DNAJC17: variants seen among roughly 807,000 people sequenced by gnomAD.
The protein encoded by DNAJC17 is DnaJ heat shock protein family (Hsp40) member C17, also known as dnaJ homolog subfamily C member 17.
In DNAJC17, 35 loss-of-function variants were observed where a neutral mutation model predicts 48.1. The ratio of observed to expected loss-of-function variants is 0.73; its 90% CI spans 0.56 to 0.96. The LOEUF is 0.96. DNAJC17 is among the 50% of genes least tolerant of loss of function. The probability of loss-of-function intolerance (pLI) is 0.00; values close to 1 mark genes in which losing one functional copy is unlikely to be tolerated. For synonymous variants in DNAJC17, 117 were observed against 142.7 expected (o/e 0.82, Z 1.28); for missense variants, 355 against 377.1 (o/e 0.94, Z 0.48).
chr15:40,787,041 T>C (rs928865922), intron 1 of DNAJC17, among the ~76,000 whole-genome samples: 2 of 152,200 alleles, frequency 1.3e-5, no homozygotes, highest in Admixed American at 6.5e-5. Context: ...TTCTACTCTT[T>C]TAATAGTTTT....
Position 40,779,329 on chromosome 15 carries a change from A to G in DNAJC17, c.208-19T>C. ...ATGCAGCCTGGCAGGAGAAAGGGGC[A>G]CAGGGCAGAGGGTCAGTGAGAGAGT... On this transcript the variant is annotated intron_variant, in intron 3 of 10. Coordinates refer to ENST00000220496, the MANE Select transcript of DNAJC17 (RefSeq NM_018163.3). 6.2e-7 allele frequency: 1 copy of G among 1,613,466 alleles called. No homozygotes were observed. The highest frequency in any genetic ancestry group is 8.5e-7 in the Non-Finnish European group (1 of 1,179,608).
In DNAJC17 at chr15:40,766,469, T is replaced by C. The variant is rs1332656083; in HGVS notation, c.*1471A>G. The C allele has an allele frequency of 1.3e-5, 2 of 152,352 alleles. No homozygotes were observed. The highest frequency in any genetic ancestry group is 2.9e-5 in the Non-Finnish European group (2 of 68,082). The allele number at this position is 152,352 out of a possible 1,614,324, so 9.4% of individuals were successfully genotyped here. Reference sequence around the variant, plus strand: ...CAGGGAGAACCCAAGCTACACAGGCTCTCTGAAAAGAGTTGTCAGAGTGAG... The same window carrying C: ...CAGGGAGAACCCAAGCTACACAGGCCCTCTGAAAAGAGTTGTCAGAGTGAG... On this transcript the variant is annotated 3_prime_UTR_variant, in exon 11 of 11. Transcript: ENST00000220496.
chr15:40,807,332 A>C (rs768378360), intron 1 of DNAJC17, 37 bp downstream of exon 1: 6 of 1,613,998 alleles, frequency 3.7e-6, no homozygotes, highest in Non-Finnish European at 5.1e-6. Context: ...GGACCGCCAG[A>C]CCTCTCAAGA....
chr15:40,799,224 C>CAAAAAAAAA, intron 1 of DNAJC17, among the ~76,000 whole-genome samples: 1 of 44,368 alleles, frequency 2.3e-5, no homozygotes, highest in Non-Finnish European at 4.6e-5. Context: ...GACTCCATCT[C>CAAAAAAAAA]AAAAAAAAAA....
chr15:40,766,857 C>T lies in DNAJC17; in HGVS notation c.*1083G>A. 1 of 164,306 alleles carries T rather than the reference C, an allele frequency of 6.1e-6. No homozygotes were observed. The highest frequency in any genetic ancestry group is 1.3e-5 in the Non-Finnish European group (1 of 76,272). 10.2% of individuals were successfully genotyped at this position (164,306 alleles called of 1,614,324 possible). ...GTGCAATCATGGCTCACTGCAGCCTCAGCCTCCTCCTACCTGGAAGCCTGG... is the reference window on the plus strand; with the variant it reads ...GTGCAATCATGGCTCACTGCAGCCTTAGCCTCCTCCTACCTGGAAGCCTGG... On this transcript the variant is annotated 3_prime_UTR_variant, in exon 11 of 11. Coordinates refer to ENST00000220496, the MANE Select transcript of DNAJC17 (RefSeq NM_018163.3).
At chr15:40,799,164 G>T in intron 1 of DNAJC17, among the ~76,000 whole-genome samples, 1 of 148,868 alleles carries the variant, frequency 6.7e-6, no homozygotes. Flanking sequence ...GGCAGAGCTT[G>T]CAGTGAGCCG....
intron 1 of DNAJC17, among the ~76,000 whole-genome samples, chr15:40,790,193 C>T (rs1319489829): frequency 2.0e-5 from 3 of 152,176 alleles, no homozygotes; most frequent in Non-Finnish European, 2.9e-5. Flanking sequence ...GGCTGCGAGA[C>T]TCTCTGGGGC....
chr15:40,774,874 G>C (rs542471345), intron 8 of DNAJC17, 157 bp downstream of exon 8: 4 of 732,704 alleles, frequency 5.5e-6, no homozygotes, highest in Non-Finnish European at 9.0e-6. Flanking sequence ...GCTGTAGCCT[G>C]GGGAGAAGTC....
In DNAJC17 at chr15:40,767,734, C is replaced by G; in HGVS notation, c.*206G>C. ...GCTGCGCCTGTGCTCTGCTTGTGCA[C>G]GGACTCTGGGACTCTCACCCTGCGG... On this transcript the variant is annotated 3_prime_UTR_variant, in exon 11 of 11. Coordinates refer to ENST00000220496, the MANE Select transcript of DNAJC17 (RefSeq NM_018163.3). The G allele has an allele frequency of 1.4e-6, 1 of 703,580 alleles. No individual in the cohort carries two copies. The highest frequency in any genetic ancestry group is 2.3e-6 in the Non-Finnish European group (1 of 440,482). 43.6% of individuals were successfully genotyped at this position (703,580 alleles called of 1,614,324 possible).
chr15:40,779,022 T>C, intron 4 of DNAJC17: 1 of 645,594 alleles, frequency 1.5e-6, no homozygotes. Context: ...TTTGTCACAA[T>C]GCTTAGCTAA....
At chr15:40,783,832 C>T (rs1418526388) in intron 1 of DNAJC17, among the ~76,000 whole-genome samples, 1 of 152,106 alleles carries the variant, frequency 6.6e-6, no homozygotes, top group Non-Finnish European at 1.5e-5. Context: ...CACTGTACCC[C>T]AGCCTGGGTG....
Position 40,807,220 on chromosome 15 carries a change from G to C in DNAJC17, c.78+149C>G, listed in dbSNP as rs1184613411. 3 of 1,530,434 alleles carry C rather than the reference G, an allele frequency of 2.0e-6. No individual in the cohort carries two copies. The Admixed American group carries it at 6.0e-5, about 31-fold the overall frequency. 94.8% of individuals were successfully genotyped at this position (1,530,434 alleles called of 1,614,324 possible). On this transcript the variant is annotated intron_variant, in intron 1 of 10. Coordinates refer to ENST00000220496, the MANE Select transcript of DNAJC17 (RefSeq NM_018163.3). Reference sequence around the variant, plus strand: ...CGGACCGTCCAGGAAATGTCTGGGAGCCCGCCTGCGGAGGGCATAGCGCCG... The same window carrying C: ...CGGACCGTCCAGGAAATGTCTGGGACCCCGCCTGCGGAGGGCATAGCGCCG...
chr15:40,788,487 G>C (rs1889703468), intron 1 of DNAJC17, among the ~76,000 whole-genome samples: 1 of 152,154 alleles, frequency 6.6e-6, no homozygotes, highest in Non-Finnish European at 1.5e-5. Context: ...ATGAGGTCAG[G>C]AGATCGAGAC....
intron 1 of DNAJC17, chr15:40,780,600 G>C: frequency 2.9e-6 from 1 of 341,036 alleles, no homozygotes; most frequent in South Asian, 2.3e-5. Context: ...GATCACCTGA[G>C]GTCAGGAGTT....
intron 1 of DNAJC17, among the ~76,000 whole-genome samples, chr15:40,803,714 T>C (rs980862433): frequency 1.3e-5 from 2 of 152,112 alleles, no homozygotes; most frequent in Admixed American, 1.3e-4. Context: ...TGTACCCCTC[T>C]TAAGGAACTC....
chr15:40,770,859 C>T lies in DNAJC17; in HGVS notation c.793-2797G>A. On this transcript the variant is annotated intron_variant, in intron 10 of 10. Transcript: ENST00000220496. The surrounding 1 kb of genome is among the most constrained non-coding windows in gnomAD (Gnocchi z 5.0). ...GCTCTCTCTGTCGAGTGCCCTCCAC[C>T]AGCACTCAGAGAAGGGCCTTGTGGA... The T allele has an allele frequency of 6.4e-7, 1 of 1,551,522 alleles. No individual in the cohort carries two copies. Among genetic ancestry groups the T allele is most frequent in the Non-Finnish European group, 8.7e-7 (1 of 1,146,988 alleles).
Position 40,765,887 on chromosome 15 carries a change from G to C in DNAJC17, c.*2053C>G. ...GGATCCAGAGCTGATGCAGCATCTGGGGGCTTCAAAGAGAAGAGCCTTGGG... is the reference window on the plus strand; with the variant it reads ...GGATCCAGAGCTGATGCAGCATCTGCGGGCTTCAAAGAGAAGAGCCTTGGG... On this transcript the variant is annotated 3_prime_UTR_variant, in exon 11 of 11. Transcript: ENST00000220496. 1 of 1,582,306 alleles carries C rather than the reference G, an allele frequency of 6.3e-7. No individual in the cohort carries two copies. Among genetic ancestry groups the C allele is most frequent in the East Asian group, 2.3e-5 (1 of 43,248 alleles).
In DNAJC17 at chr15:40,770,372, G is replaced by C; in HGVS notation, c.793-2310C>G. The C allele has an allele frequency of 2.1e-6, 2 of 936,058 alleles. No individual in the cohort carries two copies. Among genetic ancestry groups the C allele is most frequent in the Non-Finnish European group, 3.1e-6 (2 of 639,636 alleles). The allele number at this position is 936,058 out of a possible 1,614,324, so 58.0% of individuals were successfully genotyped here. A position where few individuals can be genotyped will look rare whatever the true frequency, so the allele number is the denominator to read the frequency against. On this transcript the variant is annotated intron_variant, in intron 10 of 10. Transcript: ENST00000220496. The surrounding 1 kb of genome is among the most constrained non-coding windows in gnomAD (Gnocchi z 5.0). The stretch of plus-strand genomic sequence containing the variant: ...AGATGTGGTCAAAGGTCTGTGCTGA[G>C]TGGAAACCCTGAGGCCTCTGCTCCT...
Position 40,767,200 on chromosome 15 carries a change from A to AC in DNAJC17, c.*739dup, listed in dbSNP as rs137970311. The AC allele has an allele frequency of 7.3e-3, 10,648 of 1,457,054 alleles. 538 individuals are homozygous for AC. In the African/African-American group the frequency reaches 0.13, roughly 18 times the overall value. 90.3% of individuals were successfully genotyped at this position (1,457,054 alleles called of 1,614,324 possible). On this transcript the variant is annotated 3_prime_UTR_variant, in exon 11 of 11. Transcript: ENST00000220496. Reference sequence around the variant, plus strand: ...AGGAGCTTGCTGTGTGCCCCTCCTCACCCCCCCCATCCTGTCTCTTTGCAG... The same window carrying AC: ...AGGAGCTTGCTGTGTGCCCCTCCTCACCCCCCCCCATCCTGTCTCTTTGCAG...
Sources: allele counts gnomAD v4.1 joint callset (sites outside exome capture counted in the v4.1 genomes callset), GRCh38; gene constraint gnomAD v4.1.1; non-coding constraint Gnocchi (gnomAD v3.1); transcripts MANE v1.5; gene names NCBI Gene and HGNC (gene_info 2026-07-23, HGNC 2026-07-21).